CDH12: variants seen among roughly 807,000 people sequenced by gnomAD.
CDH12 encodes cadherin-12.
A neutral mutation model predicts 74.1 loss-of-function variants in CDH12; 41 were observed. The observed-to-expected ratio is 0.55, with a 90% CI of 0.43 to 0.72. The LOEUF (loss-of-function observed/expected upper bound fraction) is 0.72, where lower values mean the gene tolerates loss of function less well. Among genes scored for constraint, CDH12 ranks in the 30% least tolerant of loss-of-function variants. The pLI is 0.00. For missense variants in CDH12, 945 were observed against 977.2 expected (o/e 0.97, Z 0.44); for synonymous variants, 399 against 355.0 (o/e 1.12, Z -1.39).
intron 13 of CDH12, among the ~76,000 whole-genome samples, chr5:21,757,928 C>T (rs1744494392): frequency 6.6e-6 from 1 of 152,140 alleles, no homozygotes; most frequent in African/African-American, 2.4e-5. Flanking sequence ...AGTCAGTACC[C>T]TAATCTAAGG....
At chr5:22,528,978 T>G (rs1737412701) in intron 1 of CDH12, among the ~76,000 whole-genome samples, 1 of 151,764 alleles carries the variant, frequency 6.6e-6, no homozygotes, top group Non-Finnish European at 1.5e-5. Context: ...AAATCTATAT[T>G]AGGCAGGGTT....
intron 5 of CDH12, among the ~76,000 whole-genome samples, chr5:21,979,384 G>T (rs1757210110): frequency 6.6e-6 from 1 of 152,092 alleles, no homozygotes; most frequent in African/African-American, 2.4e-5. Context: ...TTATTTTCTG[G>T]TGTTTTCCAA....
intron 2 of CDH12, among the ~76,000 whole-genome samples, chr5:22,469,961 G>A (rs1051323339): frequency 1.3e-5 from 2 of 152,146 alleles, no homozygotes; most frequent in Non-Finnish European, 2.9e-5. Context: ...AAGTAAGTCT[G>A]CATGTCTTTT....
chr5:22,749,139 T>C (rs1168802523), intron 1 of CDH12, among the ~76,000 whole-genome samples: 1 of 152,228 alleles, frequency 6.6e-6, no homozygotes, highest in Non-Finnish European at 1.5e-5. Context: ...AACTGACTGA[T>C]GCATTGGCAT....
chr5:22,016,548 G>A (rs1302569328), intron 5 of CDH12, among the ~76,000 whole-genome samples: 1 of 151,790 alleles, frequency 6.6e-6, no homozygotes, highest in East Asian at 1.9e-4. Flanking sequence ...GGAATGTCCA[G>A]CTAACTTCTG....
Position 21,765,048 on chromosome 5 carries a change from A to C in CDH12, c.1445T>G (p.Val482Gly). Reference protein sequence around the residue: ...KVNILINVLDVNEFPPEISVP... With the variant: ...KVNILINVLDGNEFPPEISVP... ...AGATATTTCTGGAGGAAATTCATTTACATCTAAGACATTAATCAGTATATT... is the reference window on the plus strand; with the variant it reads ...AGATATTTCTGGAGGAAATTCATTTCCATCTAAGACATTAATCAGTATATT... The change falls in exon 12 of 15, where the codon GTA becomes GGA. Residue 482 changes from valine (V) to glycine (G), a missense_variant. This residue lies in a region of CDH12 where 791 missense variants were observed against 792.8 expected (regional missense o/e 1.00). Transcript: ENST00000382254. The C allele has an allele frequency of 6.2e-7, 1 of 1,609,640 alleles. No homozygotes were observed. The highest frequency in any genetic ancestry group is 8.5e-7 in the Non-Finnish European group (1 of 1,176,842).
chr5:22,707,555 C>T (rs1336778739), intron 1 of CDH12, among the ~76,000 whole-genome samples: 1 of 151,940 alleles, frequency 6.6e-6, no homozygotes, highest in Admixed American at 6.6e-5. Flanking sequence ...AACAAGCAAA[C>T]AATATAAACA....
At chr5:22,254,911 A>C (rs1753261066) in intron 3 of CDH12, among the ~76,000 whole-genome samples, 1 of 151,846 alleles carries the variant, frequency 6.6e-6, no homozygotes, top group Admixed American at 6.6e-5. Context: ...TCAATCTTTT[A>C]GTTATTTTGA....
chr5:22,275,802 G>C (rs1447728593), intron 3 of CDH12, among the ~76,000 whole-genome samples: 1 of 152,126 alleles, frequency 6.6e-6, no homozygotes, highest in Non-Finnish European at 1.5e-5. Flanking sequence ...ATGAAGGCAA[G>C]AGAGTTAATA....
intron 3 of CDH12, among the ~76,000 whole-genome samples, chr5:22,264,498 T>C (rs1034835658): frequency 6.6e-6 from 1 of 152,160 alleles, no homozygotes; most frequent in Non-Finnish European, 1.5e-5. Context: ...TAAAGAAGTA[T>C]AAAAGTGTTC....
intron 2 of CDH12, among the ~76,000 whole-genome samples, chr5:22,437,697 T>C (rs577705940): frequency 1.1e-4 from 16 of 152,024 alleles, no homozygotes; most frequent in Non-Finnish European, 1.8e-4. Flanking sequence ...GAAATCTTTG[T>C]TGCTAAGGAC....
At chr5:22,327,305 A>G (rs564315318) in intron 3 of CDH12, among the ~76,000 whole-genome samples, 2 of 152,298 alleles carry the variant, frequency 1.3e-5, no homozygotes, top group South Asian at 4.1e-4. Context: ...TTATAAAAAA[A>G]TAAACAAAAA....
At chr5:22,504,647 G>A (rs1736306860) in intron 2 of CDH12, among the ~76,000 whole-genome samples, 1 of 151,986 alleles carries the variant, frequency 6.6e-6, no homozygotes, top group South Asian at 2.1e-4. Context: ...TAATTACTAT[G>A]TCTGTGAAGG....
rs145451680 is a variant in CDH12 at position 22,298,288 on chromosome 5, G to C, written c.-332-85645C>G. Reference sequence around the variant, plus strand: ...TATATAGCACTTATTTAAATGGTAAGAAAGAATATGAGTGTGTATGTATAT... The same window carrying C: ...TATATAGCACTTATTTAAATGGTAACAAAGAATATGAGTGTGTATGTATAT... On this transcript the variant is annotated intron_variant, in intron 3 of 14. Transcript: ENST00000382254. Among the ~76,000 whole-genome samples, 954 of 151,658 alleles carry C rather than the reference G, an allele frequency of 6.3e-3. 10 individuals carry two copies. Among genetic ancestry groups the C allele is most frequent in the African/African-American group, 0.022 (920 of 41,436 alleles).
At chr5:22,753,255 G>A (rs552542371) in intron 1 of CDH12, among the ~76,000 whole-genome samples, 50 of 152,030 alleles carry the variant, frequency 3.3e-4, no homozygotes, top group Non-Finnish European at 5.0e-4. Flanking sequence ...ATGAGGTGGT[G>A]ATGAACCCTG....
chr5:22,652,100 A>G (rs1739776437), intron 1 of CDH12, among the ~76,000 whole-genome samples: 2 of 152,206 alleles, frequency 1.3e-5, no homozygotes, highest in African/African-American at 4.8e-5. Context: ...ATGGAAAAAG[A>G]TTAAAATGTG....
At chr5:22,582,032 G>A (rs1329605003) in intron 1 of CDH12, among the ~76,000 whole-genome samples, 1 of 152,032 alleles carries the variant, frequency 6.6e-6, no homozygotes, top group Non-Finnish European at 1.5e-5. Context: ...TAGTATGTAT[G>A]TGCAGATTAA....
At chr5:22,674,319 A>T (rs1403700079) in intron 1 of CDH12, among the ~76,000 whole-genome samples, 1 of 152,086 alleles carries the variant, frequency 6.6e-6, no homozygotes. Flanking sequence ...TGATGATTTT[A>T]AAAAGAGGAG....
At chr5:22,662,673 A>G (rs932422909) in intron 1 of CDH12, among the ~76,000 whole-genome samples, 1 of 152,240 alleles carries the variant, frequency 6.6e-6, no homozygotes, top group Admixed American at 6.5e-5. Context: ...ATTAGTAGTA[A>G]GCCTTAAAAA....
Sources: allele counts gnomAD v4.1 joint callset (sites outside exome capture counted in the v4.1 genomes callset), GRCh38; gene constraint gnomAD v4.1.1; regional missense constraint gnomAD v4.1.1; transcripts MANE v1.5; gene names NCBI Gene and HGNC (gene_info 2026-07-23, HGNC 2026-07-21).